Variants in STK36 observed in about 807,000 individuals in gnomAD.
STK36 encodes serine/threonine kinase 36.
STK36 carries 116 observed loss-of-function variants against 142.2 expected under a neutral mutation model. The observed-to-expected ratio is 0.82, with a 90% CI of 0.70 to 0.95. The LOEUF (loss-of-function observed/expected upper bound fraction) is 0.95, where lower values mean the gene tolerates loss of function less well. STK36 is among the 40% of genes least tolerant of loss of function. The pLI, the probability that STK36 is intolerant of heterozygous loss-of-function variation, is 0.00. For missense variants in STK36, 1,422 were observed against 1,617.2 expected, an observed-to-expected ratio of 0.88 and a Z score of 2.07; for synonymous variants, 619 against 641.7, an observed-to-expected ratio of 0.96 and a Z score of 0.53.
chr2:218,700,176 C>T (rs528085779), intron 26 of STK36, among the ~76,000 whole-genome samples: 1 of 152,150 alleles, frequency 6.6e-6, no homozygotes, highest in Admixed American at 6.5e-5. Flanking sequence ...CTGCCTTGGC[C>T]TCCCAGAGTG....
chr2:218,683,594 T>A (rs1291293620), intron 10 of STK36, among the ~76,000 whole-genome samples: 1 of 152,060 alleles, frequency 6.6e-6, no homozygotes, highest in African/African-American at 2.4e-5. Context: ...ATTTATTTAT[T>A]ATTATTATAC....
At chr2:218,687,536 C>T (rs1198702798) in intron 11 of STK36, among the ~76,000 whole-genome samples, 1 of 152,198 alleles carries the variant, frequency 6.6e-6, no homozygotes, top group African/African-American at 2.4e-5. Context: ...TGGCTTGGCA[C>T]TTTGCACTTG....
Position 218,688,746 on chromosome 2 carries a change from G to C in STK36, c.1430G>C (p.Arg477Pro). The change falls in exon 12 of 27, where the codon CGG becomes CCG. Residue 477 changes from arginine (R) to proline (P), a missense_variant. Arg to Pro is a moderately radical substitution (Grantham distance 103). This residue lies in a region of STK36 where 962 missense variants were observed against 1,167.5 expected (regional missense o/e 0.82). Transcript: ENST00000295709. ...GCTTCCCACATCCTGCCTGCATTCCGGGTCCTGAGCAGTCTTCTCTCCAGC... is the reference window on the plus strand; with the variant it reads ...GCTTCCCACATCCTGCCTGCATTCCCGGTCCTGAGCAGTCTTCTCTCCAGC... ...EGASHILPAF[R>P]VLSSLLSSCS... 6.2e-7 allele frequency: 1 copy of C among 1,613,982 alleles called. No homozygotes were observed. Among genetic ancestry groups the C allele is most frequent in the Non-Finnish European group, 8.5e-7 (1 of 1,179,954 alleles).
At chr2:218,672,483 C>A in intron 1 of STK36, 1 of 309,956 alleles carries the variant, frequency 3.2e-6, no homozygotes, top group Non-Finnish European at 6.2e-6. Flanking sequence ...GTTGGTTGGG[C>A]GAGGCTAGGT....
At chr2:218,696,408 C>A (rs892573836) in intron 21 of STK36, 119 bp from the exon 22 acceptor site, 2 of 833,812 alleles carry the variant, frequency 2.4e-6, no homozygotes, top group Non-Finnish European at 4.1e-6. Context: ...CCCATATATT[C>A]TACCTTCCGG....
rs373832104 is a variant in STK36 at position 218,694,379 on chromosome 2, T to G, written c.2400+52T>G. ...CCCTTTTCACCCTAGCATCTACCCCTTGTGGAAGTGGGGGAGTCACTATCC... is the reference window on the plus strand; with the variant it reads ...CCCTTTTCACCCTAGCATCTACCCCGTGTGGAAGTGGGGGAGTCACTATCC... On this transcript the variant is annotated intron_variant, in intron 20 of 26. Transcript: ENST00000295709. The surrounding 1 kb of genome is among the most constrained non-coding windows in gnomAD (Gnocchi z 4.4). 1.3e-6 allele frequency: 2 copies of G among 1,562,424 alleles called. No individual in the cohort carries two copies. Among genetic ancestry groups the G allele is most frequent in the African/African-American group, 2.7e-5 (2 of 73,796 alleles).
At chr2:218,691,564 C>CT (rs150534089) in intron 14 of STK36, among the ~76,000 whole-genome samples, 1,875 of 147,792 alleles carry the variant, frequency 0.013, 47 homozygotes, top group African/African-American at 0.043. Context: ...CTTTTCTTTC[C>CT]TTTTTTTTTT....
At chr2:218,688,938 A>C in intron 12 of STK36, 62 bp downstream of exon 12, 1,588 of 1,436,118 alleles carry the variant, frequency 1.1e-3, no homozygotes, top group Non-Finnish European at 1.3e-3. Flanking sequence ...GATTTATCTC[A>C]TTCAGATTGC....
At chr2:218,682,567 CA>C (rs1940575367) in intron 10 of STK36, among the ~76,000 whole-genome samples, 1 of 152,032 alleles carries the variant, frequency 6.6e-6, no homozygotes, top group African/African-American at 2.4e-5. Flanking sequence ...CTCCATGATC[CA>C]ATCCAGTATC....
Position 218,680,046 on chromosome 2 carries a change from A to G in STK36, c.1102A>G (p.Lys368Glu), listed in dbSNP as rs2106348286. 6.2e-7 allele frequency: 1 copy of G among 1,614,164 alleles called. No individual in the cohort carries two copies. Among genetic ancestry groups the G allele is most frequent in the South Asian group, 1.1e-5 (1 of 91,090 alleles). ...CTCAGAATTGAAGAGCAGCTGGGCT[A>G]AATCAGGGACTGGAGAGGTGCCCTC... ...LASELKSSWA[K>E]SGTGEVPSAP... Residue 368 changes from lysine (K) to glutamate (E), a missense_variant, in exon 9 of 27, where the codon AAA (lysine) becomes GAA (glutamate). Transcript: ENST00000295709.
At chr2:218,678,748 A>G (rs1321123481) in intron 6 of STK36, among the ~76,000 whole-genome samples, 14 of 152,210 alleles carry the variant, frequency 9.2e-5, no homozygotes, top group Non-Finnish European at 2.1e-4. Context: ...GTAACCAAAA[A>G]TGCATCTGTT....
intron 11 of STK36, among the ~76,000 whole-genome samples, chr2:218,688,030 C>T (rs1164771413): frequency 1.3e-5 from 2 of 152,100 alleles, no homozygotes; most frequent in Non-Finnish European, 1.5e-5. Context: ...TGGTGGTGGG[C>T]ACCTGTAATC....
At chr2:218,699,927 C>CT (rs1185957083) in intron 26 of STK36, among the ~76,000 whole-genome samples, 135 of 146,244 alleles carry the variant, frequency 9.2e-4, no homozygotes, top group Non-Finnish European at 1.0e-3. Context: ...TTTCTTTTTC[C>CT]TTTTTTTTTT....
intron 26 of STK36, among the ~76,000 whole-genome samples, chr2:218,701,403 G>A (rs1254558776): frequency 2.6e-5 from 4 of 151,908 alleles, no homozygotes; most frequent in Non-Finnish European, 5.9e-5. Context: ...GCCTCCCAAA[G>A]TACGGGATTA....
Position 218,693,342 on chromosome 2 carries a change from A to C in STK36, c.2146A>C (p.Lys716Gln), listed in dbSNP as rs771627345. 14 of 1,613,684 alleles carry C rather than the reference A, an allele frequency of 8.7e-6. No homozygotes were observed. The highest frequency in any genetic ancestry group is 1.1e-5 in the Non-Finnish European group (13 of 1,179,662). ...TCCCATCCTGTGCCTGCACCTTCTCAAGGTAATCCTCTTAACTCCTGGCAT... is the reference window on the plus strand; with the variant it reads ...TCCCATCCTGTGCCTGCACCTTCTCCAGGTAATCCTCTTAACTCCTGGCAT... ...QHPILCLHLL[K>Q]VLYSCCLVSE... The change falls in exon 17 of 27, where the codon AAG (lysine) becomes CAG (glutamine). Residue 716 changes from lysine to glutamine, a missense_variant and splice_region_variant. Lys to Gln is a moderately conservative substitution (Grantham distance 53). This residue lies in a region of STK36 where 962 missense variants were observed against 1,167.5 expected (regional missense o/e 0.82). Coordinates refer to ENST00000295709, the MANE Select transcript of STK36 (RefSeq NM_015690.5).
At chr2:218,698,082 G>T (rs1941303795) in intron 25 of STK36, 81 bp downstream of exon 25, 13 of 1,569,142 alleles carry the variant, frequency 8.3e-6, no homozygotes, top group Non-Finnish European at 1.1e-5. Context: ...GCAGCTCCAG[G>T]GCTCTTCTAG....
At chr2:218,675,941 C>T (rs1054608563) in intron 5 of STK36, 88 bp from the exon 6 acceptor site, 5 of 1,539,986 alleles carry the variant, frequency 3.2e-6, no homozygotes, top group Non-Finnish European at 4.4e-6. Flanking sequence ...TCCCTCTGCT[C>T]CGGTTTGGGA....
intron 9 of STK36, among the ~76,000 whole-genome samples, 193 bp downstream of exon 9, chr2:218,680,273 T>G (rs760478702): frequency 6.6e-6 from 1 of 152,184 alleles, no homozygotes; most frequent in Non-Finnish European, 1.5e-5. Flanking sequence ...CTTGGGGACT[T>G]TCTCTTCTTT....
Position 218,692,215 on chromosome 2 carries a change from C to G in STK36, c.1837C>G (p.Leu613Val), listed in dbSNP as rs765305961. The G allele has an allele frequency of 2.5e-6, 4 of 1,614,218 alleles. No homozygotes were observed. In the South Asian group the frequency reaches 4.4e-5, roughly 18 times the overall value. The change falls in exon 15 of 27, where the codon CTG becomes GTG. Residue 613 changes from leucine (L) to valine (V), a missense_variant. By Grantham distance (32) the Leu-to-Val change is conservative (BLOSUM62 1). Coordinates refer to ENST00000295709, the MANE Select transcript of STK36 (RefSeq NM_015690.5). ...AISKAFYSSL[L>V]TTQQVVLDGL... ...CTCCAAAGCCTTTTACTCCAGCTTG[C>G]TGACGACACAGCAGGTTGTCTTGGA... is the stretch of plus-strand genomic sequence containing the variant.
Sources: gnomAD v4.1 joint callset for allele counts (sites outside exome capture counted in the v4.1 genomes callset) on GRCh38, gnomAD v4.1.1 for gene constraint, gnomAD v4.1.1 regional missense constraint, Gnocchi (gnomAD v3.1) non-coding constraint, MANE v1.5 for transcripts, NCBI Gene and HGNC (gene_info 2026-07-23, HGNC 2026-07-21) for gene names.